The following VAV3 variants were observed in gnomAD, a reference collection of about 807,000 sequenced individuals.
VAV3 encodes the protein guanine nucleotide exchange factor VAV3.
Under a neutral mutation model 131.2 loss-of-function variants are expected in VAV3, and 94 were observed. The observed-to-expected ratio is 0.72, with a 90% CI of 0.61 to 0.85. VAV3 has a LOEUF of 0.85. VAV3 is among the 40% of genes least tolerant of loss of function. VAV3 has a pLI of 0.00. For synonymous variants in VAV3, 349 were observed against 342.0 expected (o/e 1.02, Z -0.22); for missense variants, 939 against 1,002.7 (o/e 0.94, Z 0.86).
At position 107,751,161 on chromosome 1, in the gene VAV3, AC is replaced by A. The variant is rs1391198057; in HGVS notation, c.1214del (p.Gly405ValfsTer5). 6.2e-7 allele frequency: 1 copy of A among 1,613,270 alleles called. No individual in the cohort carries two copies. Among genetic ancestry groups the A allele is most frequent in the Admixed American group, 1.7e-5 (1 of 59,884 alleles). On this transcript the variant is annotated frameshift_variant, in exon 13 of 27. Transcript: ENST00000370056. LOFTEE classifies it high-confidence loss of function. ...TGTCTAGAGTGGTTATTCGAATTTCACCATCTCCCTGAGGTCGTCCAAAAAG... is the reference window on the plus strand; with the variant it reads ...TGTCTAGAGTGGTTATTCGAATTTCACATCTCCCTGAGGTCGTCCAAAAAG... ...VLLFGRPQGD[G>X]EIRITTLDKH...
At chr1:107,824,791 T>C (rs1272101172) in intron 2 of VAV3, among the ~76,000 whole-genome samples, 5 of 152,134 alleles carry the variant, frequency 3.3e-5, no homozygotes, top group Non-Finnish European at 7.4e-5. Flanking sequence ...AAGTGGTTAG[T>C]CACAATGATT....
chr1:107,613,299 G>A (rs1023490078), intron 21 of VAV3, among the ~76,000 whole-genome samples: 2 of 152,138 alleles, frequency 1.3e-5, no homozygotes, highest in East Asian at 1.9e-4. Flanking sequence ...CTCAGGCATT[G>A]TTTATTTGAA....
intron 1 of VAV3, among the ~76,000 whole-genome samples, chr1:107,938,746 T>C (rs1673844331): frequency 6.6e-6 from 1 of 152,210 alleles, no homozygotes; most frequent in South Asian, 2.1e-4. Flanking sequence ...CCTAATGTAC[T>C]GGGCATTTAA....
In VAV3 at chr1:107,874,887, T is replaced by A. The variant is rs1356918932; in HGVS notation, c.321+14A>T. On this transcript the variant is annotated intron_variant, in intron 2 of 26. Transcript: ENST00000370056. The stretch of plus-strand genomic sequence containing the variant: ...TCCAGTTAAAAAGTAGTGTTAAAAA[T>A]GAAGTATAATTACCTTTCCAAAGTC... 6.2e-7 allele frequency: 1 copy of A among 1,604,900 alleles called. No individual in the cohort carries two copies. Among genetic ancestry groups the A allele is most frequent in the Non-Finnish European group, 8.5e-7 (1 of 1,172,402 alleles).
At chr1:107,880,996 G>C (rs758397295) in intron 1 of VAV3, among the ~76,000 whole-genome samples, 4 of 152,096 alleles carry the variant, frequency 2.6e-5, no homozygotes, top group Non-Finnish European at 5.9e-5. Context: ...GAGGCTTAGA[G>C]ATTTACCAAC....
At chr1:107,840,108 T>C (rs1173756531) in intron 2 of VAV3, among the ~76,000 whole-genome samples, 1 of 152,202 alleles carries the variant, frequency 6.6e-6, no homozygotes, top group East Asian at 1.9e-4. Context: ...ATCCACAATT[T>C]CTTCCAGAAA....
chr1:107,718,370 A>G (rs998888700), intron 15 of VAV3, among the ~76,000 whole-genome samples: 2 of 152,208 alleles, frequency 1.3e-5, no homozygotes, highest in Admixed American at 1.3e-4. Flanking sequence ...CTCAGGATAC[A>G]AAATCAAGGC....
chr1:107,785,057 A>G (rs976688136), intron 2 of VAV3, among the ~76,000 whole-genome samples: 1 of 152,220 alleles, frequency 6.6e-6, no homozygotes, highest in East Asian at 1.9e-4. Flanking sequence ...AAAATAAAAC[A>G]GCTTTTGAAA....
intron 25 of VAV3, among the ~76,000 whole-genome samples, chr1:107,582,804 GTCTATCATTGTTGGACATTT>G: frequency 6.6e-6 from 1 of 151,948 alleles, no homozygotes; most frequent in Non-Finnish European, 1.5e-5. Flanking sequence ...TCTTAATCCA[GTCTATCATTGTTGGACATTT>G]GGGTTGGTTC....
intron 1 of VAV3, among the ~76,000 whole-genome samples, chr1:107,877,456 C>A (rs928678453): frequency 6.6e-6 from 1 of 152,068 alleles, no homozygotes; most frequent in Non-Finnish European, 1.5e-5. Flanking sequence ...CAGAAGACTT[C>A]CATAAAGTGC....
intron 1 of VAV3, among the ~76,000 whole-genome samples, chr1:107,921,046 C>G (rs187352864): frequency 6.6e-6 from 1 of 152,168 alleles, no homozygotes; most frequent in Non-Finnish European, 1.5e-5. Flanking sequence ...TGCAATTCAC[C>G]TTCACTCTGC....
At chr1:107,899,088 T>C (rs2101082602) in intron 1 of VAV3, among the ~76,000 whole-genome samples, 1 of 152,320 alleles carries the variant, frequency 6.6e-6, no homozygotes. Flanking sequence ...AGTATGTATG[T>C]GGTTCTGAGA....
At chr1:107,826,684 G>A (rs1279716495) in intron 2 of VAV3, among the ~76,000 whole-genome samples, 1 of 152,108 alleles carries the variant, frequency 6.6e-6, no homozygotes, top group African/African-American at 2.4e-5. Context: ...CAACAGACAG[G>A]TCAACTGATC....
At chr1:107,716,968 A>C (rs1328083093) in intron 15 of VAV3, among the ~76,000 whole-genome samples, 1 of 152,174 alleles carries the variant, frequency 6.6e-6, no homozygotes, top group African/African-American at 2.4e-5. Flanking sequence ...TAGTCTTGGG[A>C]GGGAGTATCT....
intron 18 of VAV3, among the ~76,000 whole-genome samples, chr1:107,684,019 C>T (rs772008459): frequency 2.6e-5 from 4 of 152,158 alleles, no homozygotes; most frequent in Non-Finnish European, 4.4e-5. Context: ...TTAGCCAACA[C>T]TTAAATGAGA....
chr1:107,959,333 C>T (rs1674972078), intron 1 of VAV3, among the ~76,000 whole-genome samples: 1 of 152,158 alleles, frequency 6.6e-6, no homozygotes, highest in Non-Finnish European at 1.5e-5. Context: ...GCCACTATCC[C>T]ATTTTTCTGT....
At position 107,772,797 on chromosome 1, in the gene VAV3, C is replaced by G; in HGVS notation, c.493G>C (p.Gly165Arg). 4.3e-6 allele frequency: 7 copies of G among 1,613,832 alleles called. No individual in the cohort carries two copies. Among genetic ancestry groups the G allele is most frequent in the African/African-American group, 1.3e-5 (1 of 75,026 alleles). The change falls in exon 5 of 27, where the codon GGG becomes CGG. Residue 165 changes from glycine (G) to arginine (R), a missense_variant. Physicochemically the swap from Gly to Arg is moderately radical, Grantham distance 125. Coordinates refer to ENST00000370056, the MANE Select transcript of VAV3 (RefSeq NM_006113.5). ...DEEDLYDCVY[G>R]EDEGGEVYED... ...TAGACTTCTCCACCTTCATCTTCCCCATAAACACAGTCATAGAGATCTTCT... is the reference window on the plus strand; with the variant it reads ...TAGACTTCTCCACCTTCATCTTCCCGATAAACACAGTCATAGAGATCTTCT...
intron 1 of VAV3, among the ~76,000 whole-genome samples, chr1:107,955,625 T>C (rs1674772643): frequency 6.6e-6 from 1 of 152,078 alleles, no homozygotes; most frequent in Non-Finnish European, 1.5e-5. Flanking sequence ...AATACAAAGA[T>C]GACTCTTGAA....
At chr1:107,692,785 T>C (rs1299332107) in intron 17 of VAV3, among the ~76,000 whole-genome samples, 1 of 152,022 alleles carries the variant, frequency 6.6e-6, no homozygotes, top group East Asian at 1.9e-4. Flanking sequence ...GATAAGCAAA[T>C]GGGGATCTGC....
Sources: gnomAD v4.1 joint callset for allele counts (sites outside exome capture counted in the v4.1 genomes callset) on GRCh38, gnomAD v4.1.1 for gene constraint, MANE v1.5 for transcripts, NCBI Gene and HGNC (gene_info 2026-07-23, HGNC 2026-07-21) for gene names.